Variants in UBXN6 observed in about 807,000 individuals in gnomAD.
UBXN6 encodes the protein UBX domain protein 6.
In UBXN6, 44 loss-of-function variants were observed where a neutral mutation model predicts 51.4. That is an observed-to-expected ratio of 0.86 (90% CI 0.67 to 1.10). The LOEUF is 1.10. UBXN6 is among the 50% of genes least tolerant of loss of function. UBXN6 has a pLI of 0.00. For missense variants in UBXN6, 672 were observed against 596.1 expected (o/e 1.13, Z -1.32); for synonymous variants, 316 against 263.2 (o/e 1.20, Z -1.94).
rs763386494 is a variant in UBXN6, at chr19:4,446,078, C to T, written c.1171G>A (p.Glu391Lys). ...CCGCACTCGTTCAAGGCCAGGTTCTCGTCCTCGGACAGCTTCTGCCCTCCC... is the reference window on the plus strand; with the variant it reads ...CCGCACTCGTTCAAGGCCAGGTTCTTGTCCTCGGACAGCTTCTGCCCTCCC... ...ASGGQKLSED[E>K]NLALNECGLV... The change falls in exon 10 of 11, where the codon GAG (glutamate) becomes AAG (lysine). Residue 391 changes from glutamate to lysine, a missense_variant. Transcript: ENST00000301281. 1.8e-5 allele frequency: 29 copies of T among 1,612,512 alleles called. No individual in the cohort carries two copies. In the Admixed American group the frequency reaches 2.0e-4, roughly 11 times the overall value.
intron 5 of UBXN6, chr19:4,448,073 G>A (rs1974575606): frequency 1.8e-6 from 1 of 569,246 alleles, no homozygotes; most frequent in South Asian, 2.1e-5. Context: ...GTTCCCCAAG[G>A]AAGCCAGGGT....
chr19:4,448,036 T>G, intron 5 of UBXN6: 1 of 531,264 alleles, frequency 1.9e-6, no homozygotes, highest in Non-Finnish European at 3.4e-6. Context: ...ACCCGGGGAG[T>G]GGGGTGGGAC....
rs1599683898 is a variant in UBXN6, at chr19:4,457,624, T to G, written c.74A>C (p.Glu25Ala). The change falls in exon 1 of 11, where the codon GAG (glutamate) becomes GCG (alanine). Residue 25 changes from glutamate (E) to alanine (A), a missense_variant. Glu to Ala is a moderately radical substitution (Grantham distance 107, BLOSUM62 -1). Transcript: ENST00000301281. ...KSAGPGQKLK[E>A]SVGEKAHKEK... is the part of the protein sequence containing the mutation. The stretch of plus-strand genomic sequence containing the variant: ...TGCGTTCCTCACGCACCCCACGGAC[T>G]CTTTGAGCTTCTGACCGGGTCCCGC... The G allele has an allele frequency of 1.9e-6, 3 of 1,596,468 alleles. No individual in the cohort carries two copies. In the East Asian group the frequency reaches 6.9e-5, roughly 37 times the overall value.
chr19:4,454,934 C>G (rs1381026170), intron 1 of UBXN6: 4 of 152,524 alleles, frequency 2.6e-5, no homozygotes, highest in African/African-American at 9.6e-5. Context: ...ACAGGAAGTC[C>G]GGGCGATGTG....
At position 4,446,650 on chromosome 19, in the gene UBXN6, T is replaced by G; in HGVS notation, c.770A>C (p.Lys257Thr). 6.2e-7 allele frequency: 1 copy of G among 1,612,428 alleles called. No individual in the cohort carries two copies. Among genetic ancestry groups the G allele is most frequent in the Non-Finnish European group, 8.5e-7 (1 of 1,179,502 alleles). ...GGGCTCCGCAGCCAGCAGCTGTTCCTTGTGCCTCTCCAGGCTCTGGGGCTG... is the reference window on the plus strand; with the variant it reads ...GGGCTCCGCAGCCAGCAGCTGTTCCGTGTGCCTCTCCAGGCTCTGGGGCTG... The part of the protein sequence containing the change: ...LAQPQSLERH[K>T]EQLLAAEPVR... Residue 257 changes from lysine (K) to threonine (T), a missense_variant, in exon 8 of 11, where the codon AAG becomes ACG. Transcript: ENST00000301281.
chr19:4,447,148 G>C, intron 6 of UBXN6: 1 of 598,498 alleles, frequency 1.7e-6, no homozygotes, highest in East Asian at 2.8e-5. Flanking sequence ...AACCAGGCAC[G>C]AAGAGTGAGG....
chr19:4,455,381 G>T, intron 1 of UBXN6: 1 of 816,196 alleles, frequency 1.2e-6, no homozygotes, highest in South Asian at 5.6e-5. Flanking sequence ...TGAGCATCTT[G>T]GGTGGAAGAG....
upstream of UBXN6, chr19:4,457,795 TAAAA>T (rs397859534): frequency 5.3e-4 from 15 of 28,076 alleles, no homozygotes; most frequent in East Asian, 1.9e-3. Flanking sequence ...GGAAGAAAAT[TAAAA>T]AAAAAAAAAA....
chr19:4,445,672 C>A (rs369581272), intron 10 of UBXN6, 49 bp from the exon 11 acceptor site: 1 of 1,587,492 alleles, frequency 6.3e-7, no homozygotes, highest in South Asian at 1.1e-5. Context: ...CGGCCCTTGC[C>A]GCGGCAGGGA....
chr19:4,455,477 A>G (rs1568193934), intron 1 of UBXN6: 1 of 183,482 alleles, frequency 5.5e-6, no homozygotes, highest in Non-Finnish European at 1.0e-5. Flanking sequence ...ACCTCACCCC[A>G]ACCAGCCATG....
rs758962723 is a variant in UBXN6, at chr19:4,446,302, G to A, written c.1032C>T (p.Pro344=). The A allele has an allele frequency of 1.8e-5, 29 of 1,572,062 alleles. No individual in the cohort carries two copies. The highest frequency in any genetic ancestry group is 9.2e-5 in the East Asian group (4 of 43,512). The change falls in exon 9 of 11, where the codon CCC becomes CCT. Residue 344 remains proline, a synonymous_variant. Transcript: ENST00000301281. ...GCCCACCCTGCAGGAGGCAGCCATC[G>A]GGGAGGCGCACGCGCAGCAGCGTGT... ...YNYTLLRVRL[P]DGCLLQGTFY...
intron 5 of UBXN6, chr19:4,447,876 CACAA>C: frequency 1.8e-6 from 1 of 545,116 alleles, no homozygotes; most frequent in Non-Finnish European, 3.3e-6. Context: ...CCTGGAAGGG[CACAA>C]TTAACCACAG....
rs747474407 is a variant in UBXN6 at position 4,445,456 on chromosome 19, A to C, written c.*42T>G. The C allele has an allele frequency of 3.7e-6, 6 of 1,612,402 alleles. No homozygotes were observed. Among genetic ancestry groups the C allele is most frequent in the Non-Finnish European group, 5.1e-6 (6 of 1,179,200 alleles). On this transcript the variant is annotated 3_prime_UTR_variant, in exon 11 of 11. Coordinates refer to ENST00000301281, the MANE Select transcript of UBXN6 (RefSeq NM_025241.3). ...TGGCGGGGAGAGGAACAGGGAGAGC[A>C]TGAGACAGACCCACAGGGCTGAGGC... is the stretch of plus-strand genomic sequence containing the variant.
chr19:4,446,342 A>T lies in UBXN6; in HGVS notation c.992T>A (p.Leu331Gln). The T allele has an allele frequency of 6.4e-7, 1 of 1,570,346 alleles. No individual in the cohort carries two copies. Among genetic ancestry groups the T allele is most frequent in the Non-Finnish European group, 8.6e-7 (1 of 1,164,356 alleles). Residue 331 changes from leucine to glutamine, a missense_variant, in exon 9 of 11, where the codon CTG becomes CAG. Transcript: ENST00000301281. ...AMREKEEQRG[L>Q]RKYNYTLLRV... ...CAGCAGCGTGTAGTTGTACTTGCGC[A>T]GCCCCCGCTGCTCCTCCTTCTCCCG...
At position 4,447,577 on chromosome 19, in the gene UBXN6, C is replaced by T; in HGVS notation, c.588G>A (p.Lys196=). 1 of 1,613,868 alleles carries T rather than the reference C, an allele frequency of 6.2e-7. No individual in the cohort carries two copies. The highest frequency in any genetic ancestry group is 8.5e-7 in the Non-Finnish European group (1 of 1,179,880). ...HLHPEEEKYR[K]IKLQNKVFQE... Reference sequence around the variant, plus strand: ...GAAACACCTTGTTCTGCAGCTTGATCTTCCGGTACTTCTCCTCCTCGGGGT... The same window carrying T: ...GAAACACCTTGTTCTGCAGCTTGATTTTCCGGTACTTCTCCTCCTCGGGGT... The change falls in exon 6 of 11, where the codon AAG becomes AAA. Residue 196 remains lysine (K), a synonymous_variant. Transcript: ENST00000301281.
In UBXN6 at chr19:4,452,600, C is replaced by G. The variant is rs189848059; in HGVS notation, c.313-108G>C. ...CCCGTAGAACCAGACATCTCCAGCCCCCATGCTGTCCCTTCCACCTGGTGG... is the reference window on the plus strand; with the variant it reads ...CCCGTAGAACCAGACATCTCCAGCCGCCATGCTGTCCCTTCCACCTGGTGG... On this transcript the variant is annotated intron_variant, in intron 3 of 10. Transcript: ENST00000301281. 1.8e-4 allele frequency: 253 copies of G among 1,398,338 alleles called. No homozygotes were observed. The African/African-American group carries it at 3.2e-3, about 18-fold the overall frequency. The allele number at this position is 1,398,338 out of a possible 1,614,324, so 86.6% of individuals were successfully genotyped here. A position where few individuals can be genotyped will look rare whatever the true frequency, so the allele number is the denominator to read the frequency against.
chr19:4,447,544 G>A lies in UBXN6; in HGVS notation c.615+6C>T, dbSNP rs373680105. The A allele has an allele frequency of 3.0e-5, 49 of 1,613,182 alleles. No individual in the cohort carries two copies. The highest frequency in any genetic ancestry group is 3.5e-4 in the Middle Eastern group (2 of 5,692). On this transcript the variant is annotated splice_donor_region_variant and intron_variant, in intron 6 of 10. Coordinates refer to ENST00000301281, the MANE Select transcript of UBXN6 (RefSeq NM_025241.3). ...CTGGGCCCCGGGGGCCAGAAGGCAC[G>A]CCCACCTGAAACACCTTGTTCTGCA...
intron 3 of UBXN6, 75 bp downstream of exon 3, chr19:4,453,383 C>T: frequency 1.3e-6 from 2 of 1,524,470 alleles, no homozygotes; most frequent in South Asian, 1.2e-5. Flanking sequence ...GGGCAGAGGC[C>T]ACATCTCCCC....
rs746942604 is a variant in UBXN6, at chr19:4,452,498, G to GCC, written c.313-7_313-6insGG. 1.9e-6 allele frequency: 3 copies of GCC among 1,609,284 alleles called. No individual in the cohort carries two copies. The South Asian group carries it at 3.3e-5, about 18-fold the overall frequency. On this transcript the variant is annotated splice_polypyrimidine_tract_variant and splice_region_variant and intron_variant, in intron 3 of 10. Coordinates refer to ENST00000301281, the MANE Select transcript of UBXN6 (RefSeq NM_025241.3). Reference sequence around the variant, plus strand: ...TCCTCTCTGGGCTCAGATACCTGGGGCGGTGAAAGCGTCCAAGTCTGGACC... The same window carrying GCC: ...TCCTCTCTGGGCTCAGATACCTGGGGCCCGGTGAAAGCGTCCAAGTCTGGACC...
Sources: allele counts gnomAD v4.1 joint callset, GRCh38; gene constraint gnomAD v4.1.1; transcripts MANE v1.5; gene names NCBI Gene and HGNC (gene_info 2026-07-23, HGNC 2026-07-21).